FBN3: variants seen among roughly 807,000 people sequenced by gnomAD.
FBN3 encodes the protein fibrillin-3.
In FBN3, 234 loss-of-function variants were observed where a neutral mutation model predicts 330.1. The observed-to-expected ratio is 0.71, with a 90% CI of 0.64 to 0.79. The LOEUF (loss-of-function observed/expected upper bound fraction) is 0.79. Ranked by LOEUF, FBN3 falls within the 30% of genes least tolerant of loss-of-function variation. FBN3 has a pLI of 0.00. For synonymous variants in FBN3, 1,458 were observed against 1,517.3 expected, an observed-to-expected ratio of 0.96 and a Z score of 0.91; for missense variants, 3,606 against 3,886.9, an observed-to-expected ratio of 0.93 and a Z score of 1.92.
intron 30 of FBN3, 106 bp downstream of exon 30, chr19:8,115,409 A>G: frequency 7.3e-7 from 1 of 1,362,396 alleles, no homozygotes; most frequent in Admixed American, 2.2e-5. Flanking sequence ...AATCTATGAG[A>G]ATGAATTCTG....
At chr19:8,087,238 AG>A (rs766516740) in intron 53 of FBN3, 27 bp from the exon 54 acceptor site, 1 of 1,550,252 alleles carries the variant, frequency 6.5e-7, no homozygotes, top group South Asian at 1.2e-5. Context: ...ACAGATGGTC[AG>A]TCAAGGCCAG....
chr19:8,084,024 A>G (rs935146042), intron 56 of FBN3, among the ~76,000 whole-genome samples: 10 of 151,430 alleles, frequency 6.6e-5, no homozygotes, highest in Middle Eastern at 3.4e-3. Context: ...GGATGGTCTC[A>G]ATCTCCTGAC....
rs2083542078 is a variant in FBN3, at chr19:8,146,220, A to G, written c.256T>C (p.Cys86Arg). 1.3e-6 allele frequency: 2 copies of G among 1,591,492 alleles called. No homozygotes were observed. The highest frequency in any genetic ancestry group is 2.7e-5 in the African/African-American group (2 of 74,772). ...PGRSQCVVPI[C>R]RRACGEGFCS... The stretch of plus-strand genomic sequence containing the variant: ...AAGCCTTCACCGCAGGCGCGCCTAC[A>G]GATGGCTGGATGAGTGCAGCGGGTG... Residue 86 changes from cysteine (C) to arginine (R), a missense_variant, in exon 4 of 64, where the codon TGT becomes CGT. Cys to Arg is a radical substitution (Grantham distance 180). Coordinates refer to ENST00000600128, the MANE Select transcript of FBN3 (RefSeq NM_032447.5).
intron 8 of FBN3, among the ~76,000 whole-genome samples, chr19:8,140,858 T>C (rs1256534621): frequency 6.6e-6 from 1 of 152,112 alleles, no homozygotes; most frequent in Non-Finnish European, 1.5e-5. Context: ...CTACCCCCAA[T>C]GCCAGCTGTG....
chr19:8,146,063 C>T, intron 4 of FBN3, 64 bp downstream of exon 4: 2 of 1,519,172 alleles, frequency 1.3e-6, no homozygotes, highest in Non-Finnish European at 1.8e-6. Flanking sequence ...AGCCCAGGCT[C>T]CTCGTGGCAA....
chr19:8,138,244 G>A lies in FBN3; in HGVS notation c.1098C>T (p.Phe366=), dbSNP rs751393494. The change falls in exon 10 of 64, where the codon TTC becomes TTT. Residue 366 remains phenylalanine, a synonymous_variant. Coordinates refer to ENST00000600128, the MANE Select transcript of FBN3 (RefSeq NM_032447.5). ...GAGGGGGACCCATGCCATTGGATCC[G>A]AAGCCCAGGAGGCCAGGGAAGAGGC... ...HPGLFPGLLG[F]GSNGMGPPLG... is the part of the protein sequence containing the mutation. 27 of 1,611,922 alleles carry A rather than the reference G, an allele frequency of 1.7e-5. No individual in the cohort carries two copies. Among genetic ancestry groups the A allele is most frequent in the Non-Finnish European group, 2.2e-5 (26 of 1,179,456 alleles).
intron 41 of FBN3, among the ~76,000 whole-genome samples, chr19:8,099,735 G>T (rs961026182): frequency 1.3e-5 from 2 of 151,960 alleles, no homozygotes; most frequent in African/African-American, 4.8e-5. Context: ...TTCTGGCCAG[G>T]CTCAGTGGCT....
chr19:8,087,153 C>T lies in FBN3; in HGVS notation c.6678G>A (p.Lys2226=), dbSNP rs765708356. 8 of 1,610,020 alleles carry T rather than the reference C, an allele frequency of 5.0e-6. No individual in the cohort carries two copies. Among genetic ancestry groups the T allele is most frequent in the Non-Finnish European group, 6.8e-6 (8 of 1,179,196 alleles). ...CGCACGCGAAGGTACCGATGAGGTT[C>T]TTGCACTCCATGCCCCGGGCGTGGC... ...QDCHARGMEC[K]NLIGTFACVC... is the part of the protein sequence containing the mutation. Residue 2226 remains lysine, a synonymous_variant, in exon 54 of 64, where the codon AAG becomes AAA. Transcript: ENST00000600128.
In FBN3 at chr19:8,138,230, A is replaced by C. The variant is rs148024558; in HGVS notation, c.1112T>G (p.Met371Arg). ...TCGCGCTGGCCCAAGAGGGGGACCC[A>C]TGCCATTGGATCCGAAGCCCAGGAG... ...PGLLGFGSNG[M>R]GPPLGPARLN... Residue 371 changes from methionine (M) to arginine (R), a missense_variant, in exon 10 of 64, where the codon ATG becomes AGG. Coordinates refer to ENST00000600128, the MANE Select transcript of FBN3 (RefSeq NM_032447.5). 6.2e-7 allele frequency: 1 copy of C among 1,611,980 alleles called. No individual in the cohort carries two copies. Among genetic ancestry groups the C allele is most frequent in the Non-Finnish European group, 8.5e-7 (1 of 1,179,416 alleles).
intron 63 of FBN3, among the ~76,000 whole-genome samples, chr19:8,069,827 G>C (rs1343335273): frequency 1.3e-5 from 2 of 152,170 alleles, no homozygotes; most frequent in Non-Finnish European, 2.9e-5. Context: ...GCCTTGACTG[G>C]GCACAGTGGC....
chr19:8,146,296 G>A (rs987491765), intron 3 of FBN3, 71 bp from the exon 4 acceptor site: 51 of 1,340,490 alleles, frequency 3.8e-5, no homozygotes, highest in Admixed American at 1.0e-4. Context: ...ATTGGTGTCC[G>A]GGCTGGCCGG....
At position 8,090,344 on chromosome 19, in the gene FBN3, G is replaced by C. The variant is rs1294658956; in HGVS notation, c.6032-93C>G. 7 of 1,447,464 alleles carry C rather than the reference G, an allele frequency of 4.8e-6. No homozygotes were observed. The African/African-American group carries it at 9.8e-5, about 20-fold the overall frequency. 89.7% of individuals were successfully genotyped at this position (1,447,464 alleles called of 1,614,324 possible). A position where few individuals can be genotyped will look rare whatever the true frequency, so the allele number is the denominator to read the frequency against. ...CCCGCACCCCAGTCCTGGTGAATGG[G>C]TTGTGCTGATCCTGCCAGTGGCCAA... On this transcript the variant is annotated intron_variant, in intron 48 of 63. Coordinates refer to ENST00000600128, the MANE Select transcript of FBN3 (RefSeq NM_032447.5).
Position 8,136,380 on chromosome 19 carries a change from C to A in FBN3, c.1345+8G>T, listed in dbSNP as rs759040501. 3.1e-6 allele frequency: 5 copies of A among 1,612,102 alleles called. No individual in the cohort carries two copies. The Admixed American group carries it at 8.3e-5, about 27-fold the overall frequency. On this transcript the variant is annotated splice_region_variant and intron_variant, in intron 11 of 63. Transcript: ENST00000600128. ...AACCGCCCCCCCTTCCACCTGGCCG[C>A]GGCTCACCAATGCACTCGCCGCGCA...
chr19:8,103,465 C>G (rs1348945297), intron 39 of FBN3, 97 bp downstream of exon 39: 20 of 1,281,740 alleles, frequency 1.6e-5, no homozygotes, highest in African/African-American at 4.4e-5. Context: ...ATATGCTTAC[C>G]CTCCCTCTCC....
chr19:8,135,935 T>TTGGGGGGGGGGGGGGGGGC, intron 13 of FBN3, 26 bp downstream of exon 13: 184 of 1,344,142 alleles, frequency 1.4e-4, no homozygotes, highest in Middle Eastern at 5.2e-4. Flanking sequence ...CGGAAGCCCC[T>TTGGGGGGGGGGGGGGGGGC]GCCCACCCGC....
rs1248171246 is a variant in FBN3, at chr19:8,121,202, C to A, written c.3211+56G>T. The A allele has an allele frequency of 6.6e-7, 1 of 1,516,726 alleles. No individual in the cohort carries two copies. Among genetic ancestry groups the A allele is most frequent in the Non-Finnish European group, 8.9e-7 (1 of 1,122,654 alleles). 94.0% of individuals were successfully genotyped at this position (1,516,726 alleles called of 1,614,324 possible). On this transcript the variant is annotated intron_variant, in intron 25 of 63. Transcript: ENST00000600128. This position sits in a 1 kb window ranked among gnomAD's most constrained non-coding sequence, Gnocchi z 4.5. The stretch of plus-strand genomic sequence containing the variant: ...AACAGCCGTCCCCACCCTCCCTCTC[C>A]TCAATGCCCTCCCTGCCCAGGGCGC...
At chr19:8,140,964 G>A (rs1402074514) in intron 8 of FBN3, among the ~76,000 whole-genome samples, 1 of 151,686 alleles carries the variant, frequency 6.6e-6, no homozygotes, top group African/African-American at 2.4e-5. Flanking sequence ...AGGCCGAGGC[G>A]GGCGGATCAC....
At chr19:8,135,936 G>GCTCCCC in intron 13 of FBN3, 25 bp downstream of exon 13, 1 of 668,774 alleles carries the variant, frequency 1.5e-6, no homozygotes, top group Non-Finnish European at 2.4e-6. Context: ...GGAAGCCCCT[G>GCTCCCC]CCCACCCGCC....
At chr19:8,114,250 A>C (rs907544318) in intron 30 of FBN3, among the ~76,000 whole-genome samples, 2 of 151,914 alleles carry the variant, frequency 1.3e-5, no homozygotes, top group African/African-American at 2.4e-5. Flanking sequence ...TTTTAATTAA[A>C]AAAAAGTTTG....
Sources: allele counts gnomAD v4.1 joint callset (sites outside exome capture counted in the v4.1 genomes callset), GRCh38; gene constraint gnomAD v4.1.1; non-coding constraint Gnocchi (gnomAD v3.1); transcripts MANE v1.5; gene names NCBI Gene and HGNC (gene_info 2026-07-23, HGNC 2026-07-21).